The following AUTS2 variants were observed in gnomAD, a reference collection of about 807,000 sequenced individuals.
AUTS2 encodes the protein activator of transcription and developmental regulator AUTS2.
In AUTS2, 17 loss-of-function variants were observed where a neutral mutation model predicts 112.4. The ratio of observed to expected loss-of-function variants is 0.15; its 90% CI spans 0.10 to 0.23. The LOEUF is 0.23. Among genes scored for constraint, AUTS2 ranks in the 10% least tolerant of loss-of-function variants. The pLI, the probability that AUTS2 is intolerant of heterozygous loss-of-function variation, is 1.00. For missense variants in AUTS2, 1,510 were observed against 1,701.6 expected (o/e 0.89, Z 1.98); for synonymous variants, 751 against 702.7 (o/e 1.07, Z -1.09).
chr7:70,793,439 ATC>A lies in AUTS2; in HGVS notation c.*2445_*2446del, dbSNP rs1436288121. ...GTTTGCAGTCTCCCTGTCCTCTAAA[ATC>A]TGTTTTGTTTTTTTCCATGATGTTA... On this transcript the variant is annotated 3_prime_UTR_variant, in exon 19 of 19. Transcript: ENST00000342771. 1 of 151,880 alleles carries A rather than the reference ATC, an allele frequency of 6.6e-6. No homozygotes were observed. The highest frequency in any genetic ancestry group is 1.5e-5 in the Non-Finnish European group (1 of 67,984). The allele number at this position is 151,880 out of a possible 1,614,324, so 9.4% of individuals were successfully genotyped here. A position where few individuals can be genotyped will look rare whatever the true frequency, so the allele number is the denominator to read the frequency against.
chr7:69,692,417 C>A (rs374838907), intron 1 of AUTS2, among the ~76,000 whole-genome samples: 1 of 152,130 alleles, frequency 6.6e-6, no homozygotes. Context: ...CTGGTACTTA[C>A]GTGTGTGATG....
At position 70,747,861 on chromosome 7, in the gene AUTS2, G is replaced by A. The variant is rs534403457; in HGVS notation, c.743-15009G>A. Among the ~76,000 whole-genome samples, 382 of 150,840 alleles carry A rather than the reference G, an allele frequency of 2.5e-3. 3 individuals carry two copies. The highest frequency in any genetic ancestry group is 8.8e-3 in the African/African-American group (360 of 40,994). On this transcript the variant is annotated intron_variant, in intron 6 of 18. Coordinates refer to ENST00000342771, the MANE Select transcript of AUTS2 (RefSeq NM_015570.4). ...TTTTGAGACAGAGTCTCGCTCTGTC[G>A]CCCAGGCTGGAGTGCAGTGGCGCGA...
chr7:70,629,127 G>A (rs1805121119), intron 5 of AUTS2, among the ~76,000 whole-genome samples: 1 of 152,176 alleles, frequency 6.6e-6, no homozygotes, highest in Non-Finnish European at 1.5e-5. Context: ...AATGCAAGAA[G>A]AGGTCAGGTA....
intron 5 of AUTS2, among the ~76,000 whole-genome samples, chr7:70,468,184 A>T (rs1228206885): frequency 2.6e-5 from 4 of 152,220 alleles, no homozygotes; most frequent in African/African-American, 9.6e-5. Context: ...GACCCAGACT[A>T]GGAGCATTGT....
chr7:70,629,099 T>G (rs1436536006), intron 5 of AUTS2, among the ~76,000 whole-genome samples: 1 of 152,170 alleles, frequency 6.6e-6, no homozygotes, highest in Admixed American at 6.5e-5. Flanking sequence ...AGATGCCACT[T>G]GGAGATGGAA....
intron 5 of AUTS2, among the ~76,000 whole-genome samples, chr7:70,554,102 C>G (rs1801141366): frequency 9.0e-6 from 1 of 111,038 alleles, no homozygotes; most frequent in Non-Finnish European, 1.8e-5. Context: ...GAGTTTCGCT[C>G]TTGTCGCCCA....
At chr7:70,191,782 C>G (rs1809909572) in intron 4 of AUTS2, among the ~76,000 whole-genome samples, 2 of 151,980 alleles carry the variant, frequency 1.3e-5, no homozygotes, top group Admixed American at 6.6e-5. Context: ...CAAAAAAGGC[C>G]AGGCCCGGTG....
chr7:70,045,273 T>A (rs1237875041), intron 2 of AUTS2, among the ~76,000 whole-genome samples: 3 of 152,166 alleles, frequency 2.0e-5, no homozygotes, highest in Non-Finnish European at 2.9e-5. Context: ...CTGTGCTGTT[T>A]AGGATTGTAG....
At chr7:70,489,967 AAAATG>A (rs1298441856) in intron 5 of AUTS2, among the ~76,000 whole-genome samples, 1 of 152,244 alleles carries the variant, frequency 6.6e-6, no homozygotes, top group African/African-American at 2.4e-5. Context: ...AAACTAAATG[AAAATG>A]AAAATGCAAC....
chr7:70,377,006 A>G (rs1332118455), intron 4 of AUTS2, among the ~76,000 whole-genome samples: 1 of 151,694 alleles, frequency 6.6e-6, no homozygotes, highest in Non-Finnish European at 1.5e-5. Flanking sequence ...ACTGGATAAT[A>G]TCATTGGCAA....
chr7:69,795,077 G>A (rs1423451520), intron 1 of AUTS2, among the ~76,000 whole-genome samples: 1 of 152,210 alleles, frequency 6.6e-6, no homozygotes, highest in Non-Finnish European at 1.5e-5. Context: ...AATCTCATGG[G>A]GTTGTGATAA....
At chr7:70,414,150 G>C (rs559932390) in intron 4 of AUTS2, among the ~76,000 whole-genome samples, 5 of 152,194 alleles carry the variant, frequency 3.3e-5, no homozygotes, top group African/African-American at 7.2e-5. Context: ...GGTTGAGTAC[G>C]ATAGCATGGA....
chr7:70,487,240 C>T (rs1798049020), intron 5 of AUTS2, among the ~76,000 whole-genome samples: 1 of 152,184 alleles, frequency 6.6e-6, no homozygotes, highest in South Asian at 2.1e-4. Flanking sequence ...CGCCCCCCTC[C>T]CAGCCAACCC....
intron 5 of AUTS2, among the ~76,000 whole-genome samples, chr7:70,570,053 C>T (rs1355511569): frequency 1.3e-5 from 2 of 152,160 alleles, no homozygotes; most frequent in African/African-American, 4.8e-5. Flanking sequence ...GATAGGAAGC[C>T]GTGTTAGCTG....
chr7:69,934,979 G>A (rs975822326), intron 2 of AUTS2, among the ~76,000 whole-genome samples: 12 of 152,072 alleles, frequency 7.9e-5, no homozygotes, highest in Non-Finnish European at 1.5e-4. Flanking sequence ...GAAAAGTTAC[G>A]GTTTTGTTTG....
At chr7:70,375,020 CG>C (rs1197875732) in intron 4 of AUTS2, among the ~76,000 whole-genome samples, 4 of 152,104 alleles carry the variant, frequency 2.6e-5, no homozygotes, top group Non-Finnish European at 2.9e-5. Context: ...AGGAGTGCCC[CG>C]ATGCTCCCTG....
intron 6 of AUTS2, among the ~76,000 whole-genome samples, chr7:70,715,238 T>G (rs2129550470): frequency 6.6e-6 from 1 of 152,372 alleles, no homozygotes; most frequent in Non-Finnish European, 1.5e-5. Flanking sequence ...TCTGCATTTT[T>G]CTTACAATAA....
At chr7:69,795,362 T>C (rs1193779167) in intron 1 of AUTS2, among the ~76,000 whole-genome samples, 1 of 152,170 alleles carries the variant, frequency 6.6e-6, no homozygotes, top group Non-Finnish European at 1.5e-5. Flanking sequence ...GGTTTTGGTC[T>C]TGGTAAGAGT....
At chr7:70,357,106 A>C (rs1449777261) in intron 4 of AUTS2, among the ~76,000 whole-genome samples, 3 of 152,176 alleles carry the variant, frequency 2.0e-5, no homozygotes, top group African/African-American at 7.2e-5. Flanking sequence ...CTAAGTGGGA[A>C]GCGTTGGCCA....
Sources: allele counts gnomAD v4.1 joint callset (sites outside exome capture counted in the v4.1 genomes callset), GRCh38; gene constraint gnomAD v4.1.1; transcripts MANE v1.5; gene names NCBI Gene and HGNC (gene_info 2026-07-23, HGNC 2026-07-21).